CSMD1: variants seen among roughly 807,000 people sequenced by gnomAD.
The protein encoded by CSMD1 is CUB and Sushi multiple domains 1.
Under a neutral mutation model 417.5 loss-of-function variants are expected in CSMD1, and 213 were observed. The ratio of observed to expected loss-of-function variants is 0.51; its 90% CI spans 0.46 to 0.57. The LOEUF is 0.57. Among genes scored for constraint, CSMD1 ranks in the 20% least tolerant of loss-of-function variants. CSMD1 has a pLI of 0.00. For missense variants in CSMD1, 6,923 were observed against 4,529.7 expected (o/e 1.53, Z -15.17); for synonymous variants, 2,862 against 1,736.8 (o/e 1.65, Z -16.11).
rs535133596 is a variant in CSMD1 at position 3,092,888 on chromosome 8, G to C, written c.7139-1226C>G. Among the ~76,000 whole-genome samples the C allele has an allele frequency of 4.2e-3, 607 of 144,322 alleles. 1 individual carries two copies. The highest frequency in any genetic ancestry group is 7.3e-3 in the Non-Finnish European group (470 of 64,380). 94.7% of individuals were successfully genotyped at this position (144,322 alleles called of 152,430 possible). On this transcript the variant is annotated intron_variant, in intron 47 of 69. Coordinates refer to ENST00000635120, the MANE Select transcript of CSMD1 (RefSeq NM_033225.6). ...TCCTAGGGAACACATTATGGACTGG[G>C]AGAATGCAGCTCTCATTGTTGTTCA... is the stretch of plus-strand genomic sequence containing the variant.
intron 5 of CSMD1, among the ~76,000 whole-genome samples, chr8:3,770,724 GCT>G (rs973933672): frequency 3.9e-5 from 6 of 151,974 alleles, no homozygotes; most frequent in African/African-American, 1.5e-4. Flanking sequence ...CATGATGGTA[GCT>G]CTCTTTCCCT....
chr8:4,773,870 C>T (rs1796717092), intron 1 of CSMD1, among the ~76,000 whole-genome samples: 1 of 152,078 alleles, frequency 6.6e-6, no homozygotes, highest in Admixed American at 6.6e-5. Context: ...CTCACCAGTG[C>T]CCAAACTATT....
chr8:4,754,578 G>A (rs1322043482), intron 1 of CSMD1, among the ~76,000 whole-genome samples: 5 of 151,608 alleles, frequency 3.3e-5, no homozygotes, highest in East Asian at 3.9e-4. Context: ...AGGGCCAGGC[G>A]CAGTGGCTCA....
chr8:3,097,184 C>A (rs375671825), intron 46 of CSMD1, 147 bp from the exon 47 acceptor site: 5 of 587,054 alleles, frequency 8.5e-6, no homozygotes, highest in African/African-American at 5.6e-5. Flanking sequence ...AATGCAAACA[C>A]AGAGGGAGGG....
In CSMD1 at chr8:3,897,980, G is replaced by A. The variant is rs546046029; in HGVS notation, c.818+99923C>T. ...AGACACAAAATCAAAATCTAGTCAC[G>A]GAGAACTGGAGAGCTCCTAGGAGGT... On this transcript the variant is annotated intron_variant, in intron 5 of 69. Coordinates refer to ENST00000635120, the MANE Select transcript of CSMD1 (RefSeq NM_033225.6). 2.4e-4 allele frequency among the ~76,000 whole-genome samples: 36 copies of A among 152,244 alleles called. 1 individual carries two copies. The South Asian group carries it at 4.8e-3, about 20-fold the overall frequency.
intron 3 of CSMD1, among the ~76,000 whole-genome samples, chr8:4,205,037 T>A (rs1034784441): frequency 6.6e-6 from 1 of 152,174 alleles, no homozygotes; most frequent in Admixed American, 6.5e-5. Flanking sequence ...CAAGAGTAAT[T>A]TACCTCTATT....
chr8:4,847,994 G>T (rs1420521089), intron 1 of CSMD1, among the ~76,000 whole-genome samples: 2 of 152,006 alleles, frequency 1.3e-5, no homozygotes, highest in Non-Finnish European at 2.9e-5. Flanking sequence ...TCTCCTTCCA[G>T]GGCCCGAACA....
chr8:4,763,287 T>C (rs551378821), intron 1 of CSMD1, among the ~76,000 whole-genome samples: 16 of 152,206 alleles, frequency 1.1e-4, no homozygotes, highest in African/African-American at 3.9e-4. Context: ...ATGTGCTTTG[T>C]AGATATAAAG....
intron 3 of CSMD1, among the ~76,000 whole-genome samples, chr8:4,417,363 G>T (rs1400520180): frequency 1.3e-5 from 2 of 151,920 alleles, no homozygotes; most frequent in South Asian, 4.1e-4. Flanking sequence ...GACAACAGTT[G>T]AGTTTGGTGT....
At chr8:4,236,362 C>G (rs553989047) in intron 3 of CSMD1, among the ~76,000 whole-genome samples, 41 of 152,096 alleles carry the variant, frequency 2.7e-4, no homozygotes, top group African/African-American at 8.4e-4. Context: ...AGATTTCATC[C>G]CCACTCGGAG....
At chr8:3,117,699 G>A (rs968270489) in intron 42 of CSMD1, among the ~76,000 whole-genome samples, 1 of 152,190 alleles carries the variant, frequency 6.6e-6, no homozygotes, top group East Asian at 1.9e-4. Context: ...AAGCATTAAA[G>A]TAAGGATTCC....
At chr8:4,016,678 C>T (rs1796539154) in intron 4 of CSMD1, among the ~76,000 whole-genome samples, 1 of 152,202 alleles carries the variant, frequency 6.6e-6, no homozygotes, top group African/African-American at 2.4e-5. Context: ...AAAGCAAGAG[C>T]TTCAGCAAAA....
At chr8:3,439,218 A>G in intron 12 of CSMD1, among the ~76,000 whole-genome samples, 1 of 139,400 alleles carries the variant, frequency 7.2e-6, no homozygotes, top group South Asian at 2.3e-4. Flanking sequence ...GTACCATTAC[A>G]CATTCCCATC....
At chr8:3,834,014 T>G (rs1471039730) in intron 5 of CSMD1, among the ~76,000 whole-genome samples, 1 of 152,178 alleles carries the variant, frequency 6.6e-6, no homozygotes, top group Admixed American at 6.6e-5. Flanking sequence ...ATTAAGGATT[T>G]AAATATTTAA....
intron 12 of CSMD1, among the ~76,000 whole-genome samples, chr8:3,458,413 T>A (rs184113232): frequency 6.6e-6 from 1 of 152,156 alleles, no homozygotes; most frequent in African/African-American, 2.4e-5. Flanking sequence ...CAAGAGTCAA[T>A]GGGTCTTCTG....
At chr8:3,602,588 T>G (rs925143040) in intron 8 of CSMD1, among the ~76,000 whole-genome samples, 10 of 152,150 alleles carry the variant, frequency 6.6e-5, no homozygotes, top group Non-Finnish European at 1.0e-4. Context: ...CCATGAAATT[T>G]TTGCAGAATC....
chr8:3,072,089 G>C (rs1813357691), intron 49 of CSMD1, among the ~76,000 whole-genome samples: 1 of 152,166 alleles, frequency 6.6e-6, no homozygotes, highest in South Asian at 2.1e-4. Context: ...AAAATCAATA[G>C]TACCTCAGAA....
At chr8:4,331,003 C>A (rs544730017) in intron 3 of CSMD1, among the ~76,000 whole-genome samples, 12 of 152,198 alleles carry the variant, frequency 7.9e-5, no homozygotes, top group Non-Finnish European at 1.6e-4. Context: ...GTTACTGTGC[C>A]GTAAGTTCTT....
intron 1 of CSMD1, among the ~76,000 whole-genome samples, chr8:4,948,022 TAC>T (rs1016135257): frequency 6.6e-6 from 1 of 152,054 alleles, no homozygotes; most frequent in African/African-American, 2.4e-5. Context: ...CAGCTTGTGT[TAC>T]ACATTCACTT....
Sources: gnomAD v4.1 joint callset for allele counts (sites outside exome capture counted in the v4.1 genomes callset) on GRCh38, gnomAD v4.1.1 for gene constraint, MANE v1.5 for transcripts, NCBI Gene and HGNC (gene_info 2026-07-23, HGNC 2026-07-21) for gene names.